ERN1: variants seen among roughly 807,000 people sequenced by gnomAD.
ERN1 encodes serine/threonine-protein kinase/endoribonuclease IRE1.
A neutral mutation model predicts 113.1 loss-of-function variants in ERN1; 39 were observed. That is an observed-to-expected ratio of 0.34 (90% CI 0.27 to 0.45). ERN1 has a LOEUF of 0.45. ERN1 is among the 20% of genes least tolerant of loss of function. The pLI, the probability that ERN1 is intolerant of heterozygous loss-of-function variation, is 1.00. For synonymous variants in ERN1, 507 were observed against 515.9 expected, an observed-to-expected ratio of 0.98 and a Z score of 0.23; for missense variants, 976 against 1,274.8, an observed-to-expected ratio of 0.77 and a Z score of 3.57.
At chr17:64,061,730 TG>T (rs1199381359) in intron 10 of ERN1, among the ~76,000 whole-genome samples, 4 of 152,244 alleles carry the variant, frequency 2.6e-5, no homozygotes, top group African/African-American at 9.6e-5. Context: ...TCAGACTTGC[TG>T]GTAGGGCCCA....
chr17:64,118,175 C>A (rs957076292), intron 1 of ERN1, among the ~76,000 whole-genome samples: 5 of 152,026 alleles, frequency 3.3e-5, no homozygotes, highest in African/African-American at 1.2e-4. Flanking sequence ...GGAAACAGGC[C>A]CACCAAAGAG....
Position 64,083,878 on chromosome 17 carries a change from G to A in ERN1, c.176-3070C>T, listed in dbSNP as rs185529661. Among the ~76,000 whole-genome samples the A allele has an allele frequency of 4.1e-4, 62 of 152,236 alleles. No individual in the cohort carries two copies. The East Asian group carries it at 4.6e-3, about 11-fold the overall frequency. ...TTTAAGCTCAAATAACAAAACAGACGTCCACATCTTTCCTTTGTCCAAGTT... is the reference window on the plus strand; with the variant it reads ...TTTAAGCTCAAATAACAAAACAGACATCCACATCTTTCCTTTGTCCAAGTT... On this transcript the variant is annotated intron_variant, in intron 2 of 21. Transcript: ENST00000433197.
intron 2 of ERN1, among the ~76,000 whole-genome samples, chr17:64,081,123 C>A (rs1913753871): frequency 6.6e-6 from 1 of 152,178 alleles, no homozygotes; most frequent in African/African-American, 2.4e-5. Flanking sequence ...AAGAACCAGT[C>A]ACCACACACC....
chr17:64,049,077 G>A lies in ERN1; in HGVS notation c.2379C>T (p.Asp793=). The part of the protein sequence containing the change: ...ANILLGACSL[D]CLHPEKHEDV... The stretch of plus-strand genomic sequence containing the variant: ...CACCGTGCTTCTCTGGGTGCAAGCA[G>A]TCAAGGCTGCAGGCACCCAGGAGGA... Residue 793 remains aspartate (D), a synonymous_variant, in exon 18 of 22, where the codon GAC becomes GAT. Coordinates refer to ENST00000433197, the MANE Select transcript of ERN1 (RefSeq NM_001433.5). This position sits in a 1 kb window ranked among gnomAD's most constrained non-coding sequence, Gnocchi z 4.7. 6.2e-7 allele frequency: 1 copy of A among 1,602,250 alleles called. No homozygotes were observed. Among genetic ancestry groups the A allele is most frequent in the Non-Finnish European group, 8.5e-7 (1 of 1,170,956 alleles).
chr17:64,126,907 A>G (rs1567891559), intron 1 of ERN1, among the ~76,000 whole-genome samples: 4 of 151,824 alleles, frequency 2.6e-5, no homozygotes, highest in African/African-American at 9.7e-5. Flanking sequence ...AAGAAATCTG[A>G]TATCTTATAG....
intron 6 of ERN1, among the ~76,000 whole-genome samples, chr17:64,070,597 C>G (rs747197592): frequency 6.6e-6 from 1 of 152,140 alleles, no homozygotes; most frequent in Non-Finnish European, 1.5e-5. Flanking sequence ...GCCCGGCCAG[C>G]TTCTGCAGGG....
intron 1 of ERN1, among the ~76,000 whole-genome samples, chr17:64,104,945 G>A (rs772789116): frequency 1.3e-5 from 2 of 151,972 alleles, no homozygotes; most frequent in Non-Finnish European, 2.9e-5. Flanking sequence ...TATACTTAAC[G>A]AGGTTTATAA....
intron 1 of ERN1, among the ~76,000 whole-genome samples, chr17:64,108,952 G>A (rs1328721878): frequency 1.3e-5 from 2 of 152,044 alleles, no homozygotes; most frequent in Admixed American, 6.6e-5. Flanking sequence ...GGGAAACCCC[G>A]TCTCTACTAA....
chr17:64,057,333 T>C (rs1456846423), intron 12 of ERN1, among the ~76,000 whole-genome samples: 1 of 150,362 alleles, frequency 6.7e-6, no homozygotes, highest in Non-Finnish European at 1.5e-5. Flanking sequence ...AATTATGTTT[T>C]TGAAGATAAA....
intron 10 of ERN1, among the ~76,000 whole-genome samples, chr17:64,062,560 C>A (rs1188658139): frequency 6.6e-6 from 1 of 152,186 alleles, no homozygotes; most frequent in African/African-American, 2.4e-5. Context: ...ACTTGGACAA[C>A]CTTTCCATTT....
chr17:64,093,776 T>C (rs545311869), intron 2 of ERN1, among the ~76,000 whole-genome samples: 7 of 152,250 alleles, frequency 4.6e-5, no homozygotes, highest in African/African-American at 1.7e-4. Context: ...GACACAAATA[T>C]TCAGTCCAGA....
rs540079156 is a variant in ERN1 at position 64,124,857 on chromosome 17, T to G, written c.54+5119A>C. Among the ~76,000 whole-genome samples, 13 of 152,356 alleles carry G rather than the reference T, an allele frequency of 8.5e-5. No homozygotes were observed. In the South Asian group the frequency reaches 2.7e-3, roughly 32 times the overall value. ...GAACCTTGAGAACATGATGCTAAGTTAAAGAGGCCAGTTACAAAAGACCAC... is the reference window on the plus strand; with the variant it reads ...GAACCTTGAGAACATGATGCTAAGTGAAAGAGGCCAGTTACAAAAGACCAC... On this transcript the variant is annotated intron_variant, in intron 1 of 21. Coordinates refer to ENST00000433197, the MANE Select transcript of ERN1 (RefSeq NM_001433.5).
At chr17:64,052,547 A>G (rs1912718574) in intron 17 of ERN1, among the ~76,000 whole-genome samples, 1 of 152,154 alleles carries the variant, frequency 6.6e-6, no homozygotes, top group South Asian at 2.1e-4. Context: ...CAAAAAAAAA[A>G]AACAAGTGAT....
chr17:64,119,238 G>T (rs57187716), intron 1 of ERN1, among the ~76,000 whole-genome samples: 1 of 151,700 alleles, frequency 6.6e-6, no homozygotes, highest in African/African-American at 2.4e-5. Flanking sequence ...TTAATATAAG[G>T]CCTATTAGTT....
At position 64,066,731 on chromosome 17, in the gene ERN1, C is replaced by A. The variant is rs1313253305; in HGVS notation, c.782G>T (p.Gly261Val). The change falls in exon 8 of 22, where the codon GGG (glycine) becomes GTG (valine). Residue 261 changes from glycine to valine, a missense_variant. Around this residue, in one of 5 missense-constraint regions of ERN1, gnomAD observed 459 missense variants for 581.2 expected, o/e 0.79. Transcript: ENST00000433197. ...CGGGTACTTCCACTTTGTGATGCGC[C>A]CCACCTCCCCAGACATGAAGGTCAG... ...RYLTFMSGEVGRITKWKYPFP... is the reference protein window; with the variant it reads ...RYLTFMSGEVVRITKWKYPFP... 6.2e-7 allele frequency: 1 copy of A among 1,613,796 alleles called. No homozygotes were observed. The highest frequency in any genetic ancestry group is 1.3e-5 in the African/African-American group (1 of 74,890).
chr17:64,084,079 C>T (rs1433161731), intron 2 of ERN1, among the ~76,000 whole-genome samples: 1 of 152,032 alleles, frequency 6.6e-6, no homozygotes, highest in East Asian at 1.9e-4. Flanking sequence ...TCTAGGCTCC[C>T]CTCTCCCGGG....
At chr17:64,100,857 G>GA (rs1277337466) in intron 1 of ERN1, among the ~76,000 whole-genome samples, 1 of 152,116 alleles carries the variant, frequency 6.6e-6, no homozygotes, top group Non-Finnish European at 1.5e-5. Context: ...CTGCCACATG[G>GA]AAAAAGCTGA....
intron 10 of ERN1, among the ~76,000 whole-genome samples, chr17:64,062,819 A>G (rs1163877711): frequency 1.3e-5 from 2 of 152,196 alleles, no homozygotes; most frequent in African/African-American, 4.8e-5. Context: ...AAAACGTATT[A>G]TTATTTTGTC....
chr17:64,062,857 A>G (rs1019479300), intron 10 of ERN1, among the ~76,000 whole-genome samples: 2 of 152,236 alleles, frequency 1.3e-5, no homozygotes, highest in African/African-American at 4.8e-5. Context: ...TTTGGTAAAA[A>G]TAAAATAAAA....
Sources: gnomAD v4.1 joint callset for allele counts (sites outside exome capture counted in the v4.1 genomes callset) on GRCh38, gnomAD v4.1.1 for gene constraint, gnomAD v4.1.1 regional missense constraint, Gnocchi (gnomAD v3.1) non-coding constraint, MANE v1.5 for transcripts, NCBI Gene and HGNC (gene_info 2026-07-23, HGNC 2026-07-21) for gene names.